ZFHX3: variants seen among roughly 807,000 people sequenced by gnomAD.
The protein encoded by ZFHX3 is zinc finger homeobox protein 3.
Under a neutral mutation model 279.1 loss-of-function variants are expected in ZFHX3, and 42 were observed. That is an observed-to-expected ratio of 0.15 (90% CI 0.12 to 0.19). ZFHX3 has a LOEUF of 0.19. Among genes scored for constraint, ZFHX3 ranks in the 10% least tolerant of loss-of-function variants. The pLI, the probability that ZFHX3 is intolerant of heterozygous loss-of-function variation, is 1.00. For synonymous variants in ZFHX3, 2,293 were observed against 1,957.8 expected (o/e 1.17, Z -4.52); for missense variants, 4,981 against 4,754.0 (o/e 1.05, Z -1.40).
chr16:73,525,396 C>T (rs887923688), intron 2 of ZFHX3, among the ~76,000 whole-genome samples: 2 of 152,146 alleles, frequency 1.3e-5, no homozygotes, highest in Admixed American at 1.3e-4. Context: ...AGAAGACCCT[C>T]CCTCTTAATT....
chr16:72,894,846 G>A (rs755165910), intron 3 of ZFHX3, among the ~76,000 whole-genome samples: 6 of 152,162 alleles, frequency 3.9e-5, no homozygotes, highest in Admixed American at 2.6e-4. Flanking sequence ...AACCCCTTCC[G>A]CCTCTATCAC....
intron 3 of ZFHX3, chr16:73,401,243 A>T (rs1272987241): frequency 6.6e-6 from 1 of 152,054 alleles, no homozygotes; most frequent in Non-Finnish European, 1.5e-5. Context: ...CCTTCCTCAG[A>T]TGGCCCTCAC....
intron 1 of ZFHX3, among the ~76,000 whole-genome samples, chr16:73,047,013 G>C (rs1432115857): frequency 6.6e-6 from 1 of 152,232 alleles, no homozygotes; most frequent in Non-Finnish European, 1.5e-5. Context: ...CACCATGCGT[G>C]AGCTGCAGTC....
intron 4 of ZFHX3, among the ~76,000 whole-genome samples, chr16:72,865,005 T>C (rs2037979253): frequency 6.6e-6 from 1 of 152,228 alleles, no homozygotes; most frequent in Non-Finnish European, 1.5e-5. Flanking sequence ...GAGGCCAATA[T>C]TCCTCTACCA....
chr16:73,017,955 G>A (rs998987220), intron 1 of ZFHX3, among the ~76,000 whole-genome samples: 4 of 151,404 alleles, frequency 2.6e-5, no homozygotes, highest in Admixed American at 1.3e-4. Flanking sequence ...TGATTTTTTC[G>A]ATGAAGTGGG....
intron 5 of ZFHX3, among the ~76,000 whole-genome samples, chr16:73,188,950 G>T (rs1321933953): frequency 6.7e-6 from 1 of 150,138 alleles, no homozygotes; most frequent in East Asian, 2.0e-4. Flanking sequence ...TACAACCTCC[G>T]CCTCCTGGGT....
chr16:73,555,318 C>A (rs2020261598), intron 2 of ZFHX3, among the ~76,000 whole-genome samples: 1 of 151,992 alleles, frequency 6.6e-6, no homozygotes, highest in African/African-American at 2.4e-5. Flanking sequence ...CCACACCCGG[C>A]TAATTTTTTG....
chr16:73,160,092 T>C (rs906394385), intron 5 of ZFHX3, among the ~76,000 whole-genome samples: 1 of 152,168 alleles, frequency 6.6e-6, no homozygotes, highest in African/African-American at 2.4e-5. Flanking sequence ...CTTCTTTCCT[T>C]AAATATAAGG....
At chr16:72,965,348 G>C (rs1961786997) in intron 1 of ZFHX3, among the ~76,000 whole-genome samples, 1 of 152,184 alleles carries the variant, frequency 6.6e-6, no homozygotes, top group Admixed American at 6.5e-5. Context: ...TCTTGCTTGA[G>C]AGTGATGGGG....
At chr16:72,810,930 C>T (rs1314687269) in intron 7 of ZFHX3, among the ~76,000 whole-genome samples, 4 of 152,106 alleles carry the variant, frequency 2.6e-5, no homozygotes, top group African/African-American at 9.7e-5. Flanking sequence ...AGCCAGGCTG[C>T]AGCGCAGTGG....
chr16:73,152,838 A>C, intron 5 of ZFHX3, among the ~76,000 whole-genome samples: 1 of 147,658 alleles, frequency 6.8e-6, no homozygotes, highest in African/African-American at 2.5e-5. Flanking sequence ...AAGGGAGGGG[A>C]GTAATCGCGA....
At chr16:73,858,636 A>C (rs1961801675) in intron 1 of ZFHX3, among the ~76,000 whole-genome samples, 1 of 152,238 alleles carries the variant, frequency 6.6e-6, no homozygotes, top group South Asian at 2.1e-4. Context: ...GGGTTAATCT[A>C]GCATTTGCAT....
In ZFHX3 at chr16:72,827,942, C is replaced by T. The variant is rs185155282; in HGVS notation, c.3529+1837G>A. Among the ~76,000 whole-genome samples the T allele has an allele frequency of 1.5e-3, 234 of 152,308 alleles. 1 individual carries two copies. Among genetic ancestry groups the T allele is most frequent in the Non-Finnish European group, 1.4e-3 (96 of 68,032 alleles). ...AAACACTGAACAGTGGTACATCACC[C>T]GCCCTGCGTATCTCTCCCGATATCT... On this transcript the variant is annotated intron_variant, in intron 5 of 9. Transcript: ENST00000268489.
At chr16:72,962,238 G>C (rs1156608962) in intron 1 of ZFHX3, among the ~76,000 whole-genome samples, 1 of 152,224 alleles carries the variant, frequency 6.6e-6, no homozygotes, top group Non-Finnish European at 1.5e-5. Flanking sequence ...CTCCAGCCTG[G>C]GCTGGGCCAG....
chr16:73,340,157 A>G (rs2016004172), intron 3 of ZFHX3, among the ~76,000 whole-genome samples: 1 of 152,118 alleles, frequency 6.6e-6, no homozygotes, highest in African/African-American at 2.4e-5. Flanking sequence ...ACTTCCGGAG[A>G]ACTAGGGTCT....
At chr16:73,551,670 A>G (rs1003796374) in intron 2 of ZFHX3, among the ~76,000 whole-genome samples, 2 of 152,232 alleles carry the variant, frequency 1.3e-5, no homozygotes, top group African/African-American at 4.8e-5. Flanking sequence ...TTATCAAGCC[A>G]TAAAGATTAC....
At chr16:73,774,318 T>G (rs895610189) in intron 1 of ZFHX3, among the ~76,000 whole-genome samples, 2 of 152,142 alleles carry the variant, frequency 1.3e-5, no homozygotes, top group Admixed American at 1.3e-4. Flanking sequence ...CATTAGGTAG[T>G]TGGTGAATGA....
At chr16:73,694,692 G>T (rs980557706) in intron 1 of ZFHX3, among the ~76,000 whole-genome samples, 5 of 152,172 alleles carry the variant, frequency 3.3e-5, no homozygotes, top group Admixed American at 2.6e-4. Flanking sequence ...AGTTGAACAG[G>T]TAACAGTGGA....
At chr16:73,160,038 C>T (rs922778120) in intron 5 of ZFHX3, among the ~76,000 whole-genome samples, 1 of 152,200 alleles carries the variant, frequency 6.6e-6, no homozygotes, top group Admixed American at 6.5e-5. Flanking sequence ...GCTGGGATTA[C>T]AGGCATGAGC....
Sources: allele counts gnomAD v4.1 joint callset (sites outside exome capture counted in the v4.1 genomes callset), GRCh38; gene constraint gnomAD v4.1.1; transcripts MANE v1.5; gene names NCBI Gene and HGNC (gene_info 2026-07-23, HGNC 2026-07-21).